MAPRE2: variants seen among roughly 807,000 people sequenced by gnomAD.
The protein encoded by MAPRE2 is microtubule-associated protein RP/EB family member 2.
Under a neutral mutation model 43.2 loss-of-function variants are expected in MAPRE2, and 13 were observed. The observed-to-expected ratio is 0.30, with a 90% CI of 0.20 to 0.48. The LOEUF (loss-of-function observed/expected upper bound fraction) is 0.48. MAPRE2 is among the 20% of genes least tolerant of loss of function. The probability of loss-of-function intolerance (pLI) is 0.99; values close to 1 mark genes in which losing one functional copy is unlikely to be tolerated. For missense variants in MAPRE2, 161 were observed against 400.2 expected, an observed-to-expected ratio of 0.40 and a Z score of 5.10; for synonymous variants, 135 against 148.8, an observed-to-expected ratio of 0.91 and a Z score of 0.68.
At chr18:34,985,197 AAT>A (rs1463935580) in intron 1 of MAPRE2, among the ~76,000 whole-genome samples, 3 of 72,794 alleles carry the variant, frequency 4.1e-5, no homozygotes, top group Non-Finnish European at 6.9e-5. Context: ...TAATATATAA[AAT>A]ATATATAATA....
intron 1 of MAPRE2, among the ~76,000 whole-genome samples, chr18:34,992,185 T>C (rs2097024178): frequency 6.6e-6 from 1 of 152,062 alleles, no homozygotes; most frequent in Non-Finnish European, 1.5e-5. Context: ...ATTAAAAAAA[T>C]TAAAACAGCA....
chr18:35,102,324 G>T (rs1469861364), intron 4 of MAPRE2, among the ~76,000 whole-genome samples, 165 bp downstream of exon 4: 1 of 152,064 alleles, frequency 6.6e-6, no homozygotes, highest in Non-Finnish European at 1.5e-5. Context: ...ATCTTCCTGT[G>T]ACCCATTTGT....
chr18:35,141,217 G>C lies in MAPRE2; in HGVS notation c.*848G>C, dbSNP rs1005916696. On this transcript the variant is annotated 3_prime_UTR_variant, in exon 7 of 7. Coordinates refer to ENST00000300249, the MANE Select transcript of MAPRE2 (RefSeq NM_014268.4). ...TTTTCTGCAGTCCAAAGAGGGTATGGTTAGGTACGGGTCTTCCTGCCTCAT... is the reference window on the plus strand; with the variant it reads ...TTTTCTGCAGTCCAAAGAGGGTATGCTTAGGTACGGGTCTTCCTGCCTCAT... 1 of 152,118 alleles carries C rather than the reference G, an allele frequency of 6.6e-6. No individual in the cohort carries two copies. The highest frequency in any genetic ancestry group is 2.4e-5 in the African/African-American group (1 of 41,402). 9.4% of individuals were successfully genotyped at this position (152,118 alleles called of 1,614,324 possible). A position where few individuals can be genotyped will look rare whatever the true frequency, so the allele number is the denominator to read the frequency against.
rs1176623808 is a variant in MAPRE2, at chr18:35,048,887, A to AG, written c.122+7226_122+7227insG. Among the ~76,000 whole-genome samples the AG allele has an allele frequency of 2.6e-4, 40 of 151,900 alleles. 1 individual carries two copies. Among genetic ancestry groups the AG allele is most frequent in the Admixed American group, 7.2e-4 (11 of 15,244 alleles). ...AAAAATTTATACAGAAGAAAATACAAATTTTTATAGAAATTCACATTTTAA... is the reference window on the plus strand; with the variant it reads ...AAAAATTTATACAGAAGAAAATACAAGATTTTTATAGAAATTCACATTTTAA... On this transcript the variant is annotated intron_variant, in intron 1 of 6. Coordinates refer to ENST00000300249, the MANE Select transcript of MAPRE2 (RefSeq NM_014268.4).
intron 3 of MAPRE2, among the ~76,000 whole-genome samples, chr18:35,100,538 C>T (rs937791745): frequency 6.6e-6 from 1 of 152,032 alleles, no homozygotes; most frequent in Non-Finnish European, 1.5e-5. Flanking sequence ...GCACTATTCA[C>T]AATAGCAAAG....
chr18:35,097,215 C>A (rs1908467143), intron 2 of MAPRE2, among the ~76,000 whole-genome samples: 1 of 152,170 alleles, frequency 6.6e-6, no homozygotes, highest in African/African-American at 2.4e-5. Context: ...GAGTACAATA[C>A]ACGGAGTTTA....
chr18:35,017,010 G>A (rs921110323), intron 2 of MAPRE2, among the ~76,000 whole-genome samples: 1 of 151,752 alleles, frequency 6.6e-6, no homozygotes, highest in Admixed American at 6.6e-5. Flanking sequence ...TTATTATTCT[G>A]CTGCATATGG....
intron 5 of MAPRE2, 45 bp downstream of exon 5, chr18:35,127,132 G>A: frequency 6.2e-7 from 1 of 1,609,760 alleles, no homozygotes; most frequent in Non-Finnish European, 8.5e-7. Flanking sequence ...AGTGACGTGT[G>A]TAAGAGGTAG....
At chr18:35,131,952 G>A (rs1910169935) in intron 5 of MAPRE2, 80 bp from the exon 6 acceptor site, 18 of 1,390,070 alleles carry the variant, frequency 1.3e-5, no homozygotes, top group Non-Finnish European at 1.5e-5. Context: ...TCTCTTTTGG[G>A]TTTTATTCAC....
chr18:35,036,001 T>C (rs569386077), intron 2 of MAPRE2, among the ~76,000 whole-genome samples: 127 of 150,080 alleles, frequency 8.5e-4, no homozygotes, highest in Middle Eastern at 3.4e-3. Flanking sequence ...TGAACACCCA[T>C]ACTACATGCT....
At chr18:35,035,674 ACT>A (rs1416458451) in intron 2 of MAPRE2, among the ~76,000 whole-genome samples, 1 of 149,446 alleles carries the variant, frequency 6.7e-6, no homozygotes, top group Non-Finnish European at 1.5e-5. Flanking sequence ...TCTGATTCAT[ACT>A]CTCTGTGACA....
chr18:35,043,248 A>G (rs1046998973), intron 1 of MAPRE2, among the ~76,000 whole-genome samples: 1 of 152,204 alleles, frequency 6.6e-6, no homozygotes, highest in Non-Finnish European at 1.5e-5. Context: ...AAAAAACTTG[A>G]AGTGATTTTA....
intron 3 of MAPRE2, among the ~76,000 whole-genome samples, chr18:35,101,207 A>G (rs1908662355): frequency 1.3e-5 from 2 of 152,174 alleles, no homozygotes; most frequent in Admixed American, 1.3e-4. Context: ...AGAAGTACTA[A>G]ATATTCCAAG....
chr18:35,130,473 C>T (rs1301916089), intron 5 of MAPRE2, among the ~76,000 whole-genome samples: 1 of 152,050 alleles, frequency 6.6e-6, no homozygotes, highest in Non-Finnish European at 1.5e-5. Flanking sequence ...GCCAGGTGCA[C>T]AGGAAGAGGA....
chr18:35,092,921 T>C (rs1371055456), intron 2 of MAPRE2, among the ~76,000 whole-genome samples: 1 of 152,082 alleles, frequency 6.6e-6, no homozygotes, highest in Non-Finnish European at 1.5e-5. Context: ...ATGGCTATTA[T>C]CAAAAAGAGG....
rs946551766 is a variant in MAPRE2 at position 35,041,462 on chromosome 18, C to G, written c.-78C>G. ...GCAGGCACGGTCCGTGCGGAGCAGG[C>G]GAGCGAGCGGGAAGACGCAGCCACC... On this transcript the variant is annotated 5_prime_UTR_variant, in exon 1 of 7. Coordinates refer to ENST00000300249, the MANE Select transcript of MAPRE2 (RefSeq NM_014268.4). 45 of 1,608,884 alleles carry G rather than the reference C, an allele frequency of 2.8e-5. No individual in the cohort carries two copies. Among genetic ancestry groups the G allele is most frequent in the Non-Finnish European group, 3.7e-5 (43 of 1,177,972 alleles).
At chr18:35,004,781 G>A (rs2097030984) in intron 1 of MAPRE2, among the ~76,000 whole-genome samples, 1 of 152,100 alleles carries the variant, frequency 6.6e-6, no homozygotes, top group Non-Finnish European at 1.5e-5. Flanking sequence ...AGCCGGGCAT[G>A]GTGGCGGGCG....
chr18:35,042,124 C>T (rs551889205), intron 1 of MAPRE2, among the ~76,000 whole-genome samples: 2 of 152,258 alleles, frequency 1.3e-5, no homozygotes, highest in South Asian at 4.1e-4. Context: ...AAGCTGCAGT[C>T]TGTGATGTTA....
chr18:34,988,573 T>A (rs1414378436), intron 1 of MAPRE2: 1 of 152,218 alleles, frequency 6.6e-6, no homozygotes, highest in East Asian at 1.9e-4. Context: ...AAGACTTGTT[T>A]AATGATCTGC....
Sources: allele counts gnomAD v4.1 joint callset (sites outside exome capture counted in the v4.1 genomes callset), GRCh38; gene constraint gnomAD v4.1.1; transcripts MANE v1.5; gene names NCBI Gene and HGNC (gene_info 2026-07-23, HGNC 2026-07-21).